Variants in POU2AF1 observed in about 807,000 individuals in gnomAD.
The protein encoded by POU2AF1 is POU class 2 homeobox associating factor 1.
POU2AF1 carries 12 observed loss-of-function variants against 26.3 expected under a neutral mutation model. The ratio of observed to expected loss-of-function variants is 0.46; its 90% CI spans 0.29 to 0.74. The LOEUF is 0.74. Among genes scored for constraint, POU2AF1 ranks in the 30% least tolerant of loss-of-function variants. The pLI, the probability that POU2AF1 is intolerant of heterozygous loss-of-function variation, is 0.09. For missense variants in POU2AF1, 297 were observed against 334.5 expected (o/e 0.89, Z 0.87); for synonymous variants, 175 against 148.0 (o/e 1.18, Z -1.32).
At chr11:111,368,887 A>G (rs1055094651) in intron 1 of POU2AF1, among the ~76,000 whole-genome samples, 1 of 152,224 alleles carries the variant, frequency 6.6e-6, no homozygotes, top group Non-Finnish European at 1.5e-5. Flanking sequence ...GCTCCCAACA[A>G]ATAGCCCTTT....
intron 1 of POU2AF1, among the ~76,000 whole-genome samples, chr11:111,372,096 G>C (rs1419827928): frequency 7.4e-6 from 1 of 134,688 alleles, no homozygotes; most frequent in African/African-American, 2.7e-5. Flanking sequence ...AGAGATGAAG[G>C]AGCAGCCTGA....
At chr11:111,363,559 C>T (rs1377986300) in intron 1 of POU2AF1, 4 of 831,058 alleles carry the variant, frequency 4.8e-6, no homozygotes, top group Non-Finnish European at 5.9e-6. Context: ...TCTAAAATCA[C>T]GGTTGCCTCA....
intron 1 of POU2AF1, among the ~76,000 whole-genome samples, chr11:111,378,194 T>C (rs1352888378): frequency 6.6e-6 from 1 of 152,238 alleles, no homozygotes; most frequent in Non-Finnish European, 1.5e-5. Context: ...CATTCCCTAA[T>C]ATATCTTCTT....
chr11:111,370,700 C>T (rs570992632), intron 1 of POU2AF1, among the ~76,000 whole-genome samples: 6 of 152,270 alleles, frequency 3.9e-5, no homozygotes, highest in Admixed American at 6.5e-5. Context: ...ATGTTATAGA[C>T]ATCAGCCTAA....
At chr11:111,361,641 A>G (rs948368505) in intron 1 of POU2AF1, among the ~76,000 whole-genome samples, 4 of 152,122 alleles carry the variant, frequency 2.6e-5, no homozygotes, top group Admixed American at 2.6e-4. Context: ...CATGTCAGAC[A>G]GCTCTTCCTC....
chr11:111,366,388 G>A (rs2135127472), intron 1 of POU2AF1, among the ~76,000 whole-genome samples: 1 of 152,320 alleles, frequency 6.6e-6, no homozygotes, highest in South Asian at 2.1e-4. Context: ...AGACATGAGA[G>A]AAAGGGGAAC....
intron 1 of POU2AF1, among the ~76,000 whole-genome samples, chr11:111,365,144 C>T (rs1861080857): frequency 6.6e-6 from 1 of 152,212 alleles, no homozygotes; most frequent in Non-Finnish European, 1.5e-5. Flanking sequence ...TTCCAAGGCT[C>T]ATGGTGGCCT....
intron 1 of POU2AF1, among the ~76,000 whole-genome samples, chr11:111,365,355 T>C (rs1288144809): frequency 6.6e-6 from 1 of 152,192 alleles, no homozygotes; most frequent in Non-Finnish European, 1.5e-5. Flanking sequence ...ACTTGGTCAA[T>C]TTTTTAGGAA....
chr11:111,364,947 AATGGAT>A (rs1672333649), intron 1 of POU2AF1, among the ~76,000 whole-genome samples: 1 of 152,238 alleles, frequency 6.6e-6, no homozygotes, highest in Non-Finnish European at 1.5e-5. Flanking sequence ...GGAGGAGGCA[AATGGAT>A]ATCCAGTTGT....
intron 1 of POU2AF1, chr11:111,377,740 C>A (rs1861336503): frequency 1.7e-5 from 3 of 179,420 alleles, no homozygotes; most frequent in Admixed American, 1.3e-4. Flanking sequence ...CACACAGATG[C>A]TTAGGGGCCC....
intron 1 of POU2AF1, among the ~76,000 whole-genome samples, chr11:111,366,246 C>T (rs1430082584): frequency 2.6e-5 from 4 of 152,200 alleles, no homozygotes; most frequent in Non-Finnish European, 5.9e-5. Context: ...CATTCACTAA[C>T]ATTTGAACTG....
intron 1 of POU2AF1, among the ~76,000 whole-genome samples, chr11:111,378,553 T>A (rs778460053): frequency 6.6e-6 from 1 of 152,130 alleles, no homozygotes; most frequent in Non-Finnish European, 1.5e-5. Flanking sequence ...CACTGCATCC[T>A]TTGCAGTGGG....
At chr11:111,370,655 T>A (rs1007675389) in intron 1 of POU2AF1, among the ~76,000 whole-genome samples, 1 of 152,174 alleles carries the variant, frequency 6.6e-6, no homozygotes, top group African/African-American at 2.4e-5. Flanking sequence ...AGTTCTACAG[T>A]AGATTTGGTT....
At chr11:111,372,057 C>CAGAGAGAGAGAGAGAGAGAGAG (rs1268779151) in intron 1 of POU2AF1, among the ~76,000 whole-genome samples, 1 of 143,094 alleles carries the variant, frequency 7.0e-6, no homozygotes, top group African/African-American at 2.7e-5. Flanking sequence ...CACACACACA[C>CAGAGAGAGAGAGAGAGAGAGAG]ACACACACAC....
intron 1 of POU2AF1, chr11:111,363,035 TA>T: frequency 1.4e-6 from 1 of 713,576 alleles, no homozygotes; most frequent in Non-Finnish European, 1.7e-6. Flanking sequence ...CTACTGTTTC[TA>T]AGTCGATGAA....
intron 4 of POU2AF1, 102 bp downstream of exon 4, chr11:111,357,343 T>G (rs1223805452): frequency 1.3e-5 from 20 of 1,517,208 alleles, no homozygotes; most frequent in Middle Eastern, 1.8e-4. Context: ...CTGATTATCT[T>G]GAGAATCAAT....
At position 111,357,544 on chromosome 11, in the gene POU2AF1, T is replaced by G; in HGVS notation, c.357A>C (p.Ser119=). The G allele has an allele frequency of 6.2e-7, 1 of 1,613,896 alleles. No homozygotes were observed. The highest frequency in any genetic ancestry group is 8.5e-7 in the Non-Finnish European group (1 of 1,179,934). The stretch of plus-strand genomic sequence containing the variant: ...ACACGGGCTGCACATACATGTCAGC[T>G]GAGTAGGGGCAGCTGACAGCTTCAT... ...VPHEAVSCPY[S]ADMYVQPVCP... Residue 119 remains serine, a synonymous_variant, in exon 4 of 5, where the codon TCA becomes TCC. Coordinates refer to ENST00000393067, the MANE Select transcript of POU2AF1 (RefSeq NM_006235.3).
Position 111,352,934 on chromosome 11 carries a change from A to G in POU2AF1, c.*1327T>C, listed in dbSNP as rs912774079. 1.7e-4 allele frequency: 31 copies of G among 178,718 alleles called. 1 individual carries two copies. Among genetic ancestry groups the G allele is most frequent in the Middle Eastern group, 2.1e-3 (1 of 472 alleles). 11.1% of individuals were successfully genotyped at this position (178,718 alleles called of 1,614,324 possible). On this transcript the variant is annotated 3_prime_UTR_variant, in exon 5 of 5. Transcript: ENST00000393067. The stretch of plus-strand genomic sequence containing the variant: ...GGCAATGGAGTGAGACTCCGTCCCA[A>G]AAAAAACCAAAAAAAAGAAAGAAAG...
At chr11:111,360,690 T>A (rs56898534) in intron 1 of POU2AF1, among the ~76,000 whole-genome samples, 2,675 of 152,224 alleles carry the variant, frequency 0.018, 82 homozygotes, top group African/African-American at 0.061. Context: ...TCTGTATGTA[T>A]AAAAATCTCT....
Sources: gnomAD v4.1 joint callset for allele counts (sites outside exome capture counted in the v4.1 genomes callset) on GRCh38, gnomAD v4.1.1 for gene constraint, MANE v1.5 for transcripts, NCBI Gene and HGNC (gene_info 2026-07-23, HGNC 2026-07-21) for gene names.